Variants in PLEKHA7 observed in about 807,000 individuals in gnomAD.
PLEKHA7 encodes the protein pleckstrin homology domain containing A7.
A neutral mutation model predicts 170.0 loss-of-function variants in PLEKHA7; 104 were observed. The ratio of observed to expected loss-of-function variants is 0.61; its 90% confidence interval spans 0.52 to 0.72. PLEKHA7 has a LOEUF of 0.72. PLEKHA7 is among the 30% of genes least tolerant of loss of function. The probability of loss-of-function intolerance (pLI) is 0.00; values close to 1 mark genes in which losing one functional copy is unlikely to be tolerated. For synonymous variants in PLEKHA7, 648 were observed against 660.8 expected (o/e 0.98, Z 0.30); for missense variants, 1,615 against 1,671.7 (o/e 0.97, Z 0.59).
chr11:16,964,773 T>C (rs981143470), intron 3 of PLEKHA7, among the ~76,000 whole-genome samples: 2 of 152,190 alleles, frequency 1.3e-5, no homozygotes, highest in Admixed American at 6.5e-5. Flanking sequence ...ATTCCTTAGA[T>C]ACTGGGGGAC....
chr11:16,931,924 A>G (rs1029864386), intron 3 of PLEKHA7, among the ~76,000 whole-genome samples: 2 of 152,242 alleles, frequency 1.3e-5, no homozygotes, highest in Admixed American at 6.5e-5. Context: ...TTGGCCACAC[A>G]GGAAGGTCTA....
chr11:16,873,269 T>C (rs974073686), intron 3 of PLEKHA7, among the ~76,000 whole-genome samples: 1 of 152,208 alleles, frequency 6.6e-6, no homozygotes, highest in Non-Finnish European at 1.5e-5. Context: ...GCCTACAAAG[T>C]CTTTTTTTAC....
chr11:16,992,991 G>C (rs1864135836), intron 3 of PLEKHA7, among the ~76,000 whole-genome samples: 1 of 152,106 alleles, frequency 6.6e-6, no homozygotes. Flanking sequence ...GACGTGCTCT[G>C]ATTGAATCCT....
At position 16,801,849 on chromosome 11, in the gene PLEKHA7, T is replaced by C. The variant is rs558125195; in HGVS notation, c.2158-32A>G. Reference sequence around the variant, plus strand: ...CACGAAGGGCCAAAAAACAGCAGGATAGGAGGACAGTCCCCAGAGGCCTCC... The same window carrying C: ...CACGAAGGGCCAAAAAACAGCAGGACAGGAGGACAGTCCCCAGAGGCCTCC... On this transcript the variant is annotated intron_variant, in intron 15 of 26. Coordinates refer to ENST00000531066, the MANE Select transcript of PLEKHA7 (RefSeq NM_001329630.2). The C allele has an allele frequency of 4.3e-6, 7 of 1,612,934 alleles. No individual in the cohort carries two copies. The South Asian group carries it at 4.4e-5, about 10-fold the overall frequency.
intron 3 of PLEKHA7, among the ~76,000 whole-genome samples, chr11:16,952,637 T>C (rs1861477604): frequency 6.6e-6 from 1 of 152,230 alleles, no homozygotes; most frequent in South Asian, 2.1e-4. Flanking sequence ...CCTGAAATGC[T>C]TGGAACCAGA....
At chr11:16,868,198 G>A (rs415300) in intron 4 of PLEKHA7, among the ~76,000 whole-genome samples, 50,276 of 151,994 alleles carry the variant, frequency 0.33, 8,642 homozygotes, top group Non-Finnish European at 0.38. Context: ...TGTTTCCTCT[G>A]TCATGAACAT....
intron 9 of PLEKHA7, among the ~76,000 whole-genome samples, chr11:16,838,682 TAC>T (rs1203437116): frequency 9.6e-5 from 14 of 146,452 alleles, no homozygotes; most frequent in East Asian, 6.2e-4. Flanking sequence ...ACTAGTGAAA[TAC>T]ACAGTTTTCT....
intron 8 of PLEKHA7, among the ~76,000 whole-genome samples, chr11:16,846,384 C>A (rs1852414899): frequency 6.6e-6 from 1 of 152,202 alleles, no homozygotes; most frequent in Admixed American, 6.5e-5. Flanking sequence ...TGACTCCAAG[C>A]AGCACAGTGA....
chr11:16,981,978 C>T (rs1405173315), intron 3 of PLEKHA7, among the ~76,000 whole-genome samples: 1 of 152,170 alleles, frequency 6.6e-6, no homozygotes, highest in Non-Finnish European at 1.5e-5. Context: ...CCCCACTCCA[C>T]CCTCGGCCCT....
At chr11:16,833,768 G>C (rs2135116737) in intron 9 of PLEKHA7, among the ~76,000 whole-genome samples, 1 of 152,316 alleles carries the variant, frequency 6.6e-6, no homozygotes, top group Non-Finnish European at 1.5e-5. Context: ...ACAGGAATCT[G>C]GCAGCGGCAG....
At chr11:16,954,759 C>T (rs962601429) in intron 3 of PLEKHA7, among the ~76,000 whole-genome samples, 9 of 151,494 alleles carry the variant, frequency 5.9e-5, no homozygotes, top group East Asian at 2.0e-4. Context: ...GGCGCAATCT[C>T]GGCTCACTGC....
intron 12 of PLEKHA7, among the ~76,000 whole-genome samples, chr11:16,814,436 C>T (rs971327738): frequency 6.6e-6 from 1 of 152,206 alleles, no homozygotes; most frequent in Non-Finnish European, 1.5e-5. Context: ...GGACCAGCCT[C>T]GTTGGCTGAA....
intron 9 of PLEKHA7, among the ~76,000 whole-genome samples, chr11:16,830,414 T>C (rs1033592788): frequency 2.0e-5 from 3 of 152,226 alleles, no homozygotes; most frequent in African/African-American, 7.2e-5. Flanking sequence ...ATTTAGAATC[T>C]TGCATGCTGC....
chr11:16,783,638 A>G lies in PLEKHA7; in HGVS notation c.3650+62T>C, dbSNP rs1271810280. On this transcript the variant is annotated intron_variant, in intron 25 of 26. Coordinates refer to ENST00000531066, the MANE Select transcript of PLEKHA7 (RefSeq NM_001329630.2). Reference sequence around the variant, plus strand: ...CCAGCCAGCCCGGCCCAGGGCCCACATGGTAGAGACGCCACCTGGGGTCAG... The same window carrying G: ...CCAGCCAGCCCGGCCCAGGGCCCACGTGGTAGAGACGCCACCTGGGGTCAG... The G allele has an allele frequency of 2.0e-5, 27 of 1,331,692 alleles. No homozygotes were observed. The East Asian group carries it at 3.1e-4, about 15-fold the overall frequency. The allele number at this position is 1,331,692 out of a possible 1,614,324, so 82.5% of individuals were successfully genotyped here. A position where few individuals can be genotyped will look rare whatever the true frequency, so the allele number is the denominator to read the frequency against.
chr11:16,947,018 C>A (rs550238579), intron 3 of PLEKHA7, among the ~76,000 whole-genome samples: 1 of 152,170 alleles, frequency 6.6e-6, no homozygotes, highest in South Asian at 2.1e-4. Context: ...TGCGCCAGCA[C>A]CCCCTGGGAA....
intron 3 of PLEKHA7, among the ~76,000 whole-genome samples, chr11:16,924,736 C>T (rs1199412864): frequency 6.6e-6 from 1 of 152,086 alleles, no homozygotes; most frequent in Non-Finnish European, 1.5e-5. Flanking sequence ...CCTTGCCTTG[C>T]CAAAGCCAAA....
rs748749213 is a variant in PLEKHA7, at chr11:17,013,949, C to CA, written c.221+39_221+40insT. ...GCGGGAACGGGGAGGGACCCCCCCCCCGCGGCACAGGTGCGAGCGCGGCGG... is the reference window on the plus strand; with the variant it reads ...GCGGGAACGGGGAGGGACCCCCCCCCACGCGGCACAGGTGCGAGCGCGGCGG... On this transcript the variant is annotated intron_variant, in intron 3 of 26. Coordinates refer to ENST00000531066, the MANE Select transcript of PLEKHA7 (RefSeq NM_001329630.2). 6.6e-6 allele frequency: 10 copies of CA among 1,511,044 alleles called. No homozygotes were observed. The African/African-American group carries it at 1.5e-4, about 22-fold the overall frequency. The allele number at this position is 1,511,044 out of a possible 1,614,324, so 93.6% of individuals were successfully genotyped here.
At chr11:16,922,385 CTG>C (rs1383895067) in intron 3 of PLEKHA7, among the ~76,000 whole-genome samples, 1 of 152,094 alleles carries the variant, frequency 6.6e-6, no homozygotes, top group African/African-American at 2.4e-5. Flanking sequence ...GGCAAAGAAA[CTG>C]AGACTCAGAG....
At position 16,983,495 on chromosome 11, in the gene PLEKHA7, C is replaced by G. The variant is rs367836551; in HGVS notation, c.221+30494G>C. Among the ~76,000 whole-genome samples, 30 of 152,204 alleles carry G rather than the reference C, an allele frequency of 2.0e-4. No homozygotes were observed. The East Asian group carries it at 2.3e-3, about 12-fold the overall frequency. On this transcript the variant is annotated intron_variant, in intron 3 of 26. Transcript: ENST00000531066. ...GGAGGAGGGCAGCTCTGGGGTACAG[C>G]TGTAGCCCCTCCTGGGAACCCTAAC...
Sources: gnomAD v4.1 joint callset for allele counts (sites outside exome capture counted in the v4.1 genomes callset) on GRCh38, gnomAD v4.1.1 for gene constraint, MANE v1.5 for transcripts, NCBI Gene and HGNC (gene_info 2026-07-23, HGNC 2026-07-21) for gene names.